COL4A5: variants seen among roughly 807,000 people sequenced by gnomAD.
The protein encoded by COL4A5 is collagen alpha-5(IV) chain.
In COL4A5, 26 loss-of-function variants were observed where a neutral mutation model predicts 130.2. That is an observed-to-expected ratio of 0.20 (90% confidence interval 0.15 to 0.28). The LOEUF (loss-of-function observed/expected upper bound fraction) is 0.28. Among genes scored for constraint, COL4A5 ranks in the 10% least tolerant of loss-of-function variants. The pLI is 1.00. For missense variants in COL4A5, 1,131 were observed against 1,344.3 expected, an observed-to-expected ratio of 0.84 and a Z score of 2.48; for synonymous variants, 496 against 439.6, an observed-to-expected ratio of 1.13 and a Z score of -1.60.
At chrX:108,472,804 A>G (rs761817935) in intron 1 of COL4A5, among the ~76,000 whole-genome samples, 1 of 111,980 alleles carries the variant, frequency 8.9e-6, no homozygotes, top group Admixed American at 9.5e-5. Flanking sequence ...GGATTGCCAG[A>G]TCTTATGGTA....
intron 2 of COL4A5, among the ~76,000 whole-genome samples, chrX:108,558,596 A>G (rs1300130573): frequency 2.7e-5 from 3 of 111,933 alleles, no homozygotes; most frequent in Non-Finnish European, 5.6e-5. Flanking sequence ...ATATGTATTC[A>G]TTTTTAGTAT....
chrX:108,461,578 AT>A lies in COL4A5; in HGVS notation c.81+21373del, dbSNP rs1235513171. Among the ~76,000 whole-genome samples, 55 of 111,185 alleles carry A rather than the reference AT, an allele frequency of 4.9e-4. 1 individual carries two copies. The Admixed American group carries it at 5.3e-3, about 11-fold the overall frequency. On this transcript the variant is annotated intron_variant, in intron 1 of 52. Transcript: ENST00000328300. ...ACTTCTTCATCTGTTGTTTTACTTT[AT>A]GGTACTTAAACATTCTATAAAGTTT...
At position 108,654,545 on chromosome X, in the gene COL4A5, A is replaced by G. The variant is rs993572680; in HGVS notation, c.3247-786A>G. 2.7e-5 allele frequency among the ~76,000 whole-genome samples: 3 copies of G among 112,736 alleles called. No homozygotes were observed. In the Admixed American group the frequency reaches 2.8e-4, roughly 11 times the overall value. ...AATATAGCCTTGACCTCATAGGCTG[A>G]AGCCATCCTCCCACCTCAGCCTCCT... is the stretch of plus-strand genomic sequence containing the variant. On this transcript the variant is annotated intron_variant, in intron 36 of 52. Coordinates refer to ENST00000328300, the MANE Select transcript of COL4A5 (RefSeq NM_033380.3).
chrX:108,568,126 T>C (rs958173599), intron 4 of COL4A5, among the ~76,000 whole-genome samples: 2 of 112,066 alleles, frequency 1.8e-5, no homozygotes, highest in East Asian at 5.6e-4. Context: ...TTTCTCTCCA[T>C]AGAGTTTGAA....
intron 1 of COL4A5, among the ~76,000 whole-genome samples, chrX:108,478,231 G>T (rs1238024729): frequency 1.8e-5 from 2 of 111,672 alleles, no homozygotes; most frequent in African/African-American, 6.5e-5. Context: ...TTGACTTAAA[G>T]GTAGGAGGGG....
Position 108,532,627 on chromosome X carries a change from A to G in COL4A5, c.82-7119A>G, listed in dbSNP as rs753686539. Among the ~76,000 whole-genome samples the G allele has an allele frequency of 9.9e-5, 11 of 111,505 alleles. 1 individual carries two copies. The highest frequency in any genetic ancestry group is 1.9e-4 in the Non-Finnish European group (10 of 52,924). ...AAAAAGGCATCCAAATGGGAAAAGA[A>G]GCAGTCAAATTGCCCCTCTTTACCG... On this transcript the variant is annotated intron_variant, in intron 1 of 52. Transcript: ENST00000328300.
intron 1 of COL4A5, among the ~76,000 whole-genome samples, chrX:108,457,934 T>C (rs2064600074): frequency 8.9e-6 from 1 of 112,250 alleles, no homozygotes; most frequent in South Asian, 3.7e-4. Flanking sequence ...TGTTTTCTTA[T>C]AATTGAGTAG....
intron 1 of COL4A5, among the ~76,000 whole-genome samples, chrX:108,515,016 AG>A (rs1263732023): frequency 4.5e-5 from 5 of 112,084 alleles, no homozygotes; most frequent in Non-Finnish European, 9.4e-5. Flanking sequence ...TGTATAAGAT[AG>A]ATTTATGTAA....
At chrX:108,597,237 G>T (rs1311763867) in intron 23 of COL4A5, 140 bp from the exon 24 acceptor site, 3 of 758,328 alleles carry the variant, frequency 4.0e-6, no homozygotes, top group Non-Finnish European at 5.9e-6. Context: ...ACTTGATTCA[G>T]CCCTTTGTAC....
intron 44 of COL4A5, among the ~76,000 whole-genome samples, chrX:108,678,875 T>C (rs2068364054): frequency 8.9e-6 from 1 of 112,232 alleles, no homozygotes; most frequent in Admixed American, 9.5e-5. Context: ...CATTTAATTG[T>C]CATATCTCTT....
In COL4A5 at chrX:108,665,496, C is replaced by A. The variant is rs104886387; in HGVS notation, c.3374-11C>A. The A allele has an allele frequency of 9.7e-5, 115 of 1,184,484 alleles. No homozygotes were observed. Among genetic ancestry groups the A allele is most frequent in the Non-Finnish European group, 5.7e-6 (5 of 872,840 alleles). On this transcript the variant is annotated splice_polypyrimidine_tract_variant and intron_variant, in intron 37 of 52. Transcript: ENST00000328300. ...TTTTCTTTCATTTTTAAATTGAGCT[C>A]TTTACTCTAGGAACCCCAGGCCCTC...
intron 1 of COL4A5, among the ~76,000 whole-genome samples, chrX:108,506,222 A>G (rs781195412): frequency 2.7e-5 from 3 of 111,279 alleles, no homozygotes; most frequent in Admixed American, 1.9e-4. Context: ...GGCATTCTAC[A>G]TATGTCACTT....
intron 1 of COL4A5, among the ~76,000 whole-genome samples, chrX:108,498,848 C>T (rs896222235): frequency 8.1e-5 from 9 of 110,869 alleles, no homozygotes; most frequent in African/African-American, 2.9e-4. Flanking sequence ...TTTATAATCA[C>T]TTTTATACTG....
chrX:108,661,429 C>A lies in COL4A5; in HGVS notation c.3374-4078C>A, dbSNP rs765635292. Among the ~76,000 whole-genome samples, 23 of 111,530 alleles carry A rather than the reference C, an allele frequency of 2.1e-4. No individual in the cohort carries two copies. In the East Asian group the frequency reaches 6.2e-3, roughly 30 times the overall value. Reference sequence around the variant, plus strand: ...CAAAAATTTTAATTTCCATTTGGTTCTTTTAAGAGTTATCATATTTTTCCA... The same window carrying A: ...CAAAAATTTTAATTTCCATTTGGTTATTTTAAGAGTTATCATATTTTTCCA... On this transcript the variant is annotated intron_variant, in intron 37 of 52. Transcript: ENST00000328300.
chrX:108,577,522 T>G (rs2066173897), intron 10 of COL4A5, among the ~76,000 whole-genome samples: 1 of 110,941 alleles, frequency 9.0e-6, no homozygotes, highest in Admixed American at 9.6e-5. Context: ...CATTCTCAGA[T>G]ACACAAAGTC....
intron 48 of COL4A5, 118 bp from the exon 49 acceptor site, chrX:108,687,364 C>T (rs2068565665): frequency 1.6e-6 from 1 of 624,798 alleles, no homozygotes; most frequent in African/African-American, 2.2e-5. Flanking sequence ...CCTTTATAGA[C>T]ACTCTATAAA....
At chrX:108,447,711 G>A (rs942815850) in intron 1 of COL4A5, among the ~76,000 whole-genome samples, 2 of 111,602 alleles carry the variant, frequency 1.8e-5, no homozygotes, top group Non-Finnish European at 3.8e-5. Flanking sequence ...TCAATTGATT[G>A]CCAGTTGGTT....
chrX:108,452,587 A>T (rs879179221), intron 1 of COL4A5, among the ~76,000 whole-genome samples: 1 of 111,718 alleles, frequency 9.0e-6, no homozygotes. Context: ...CTTTGAAGCA[A>T]TTGTGAATGG....
chrX:108,553,120 C>A (rs945325203), intron 2 of COL4A5, among the ~76,000 whole-genome samples: 3 of 111,262 alleles, frequency 2.7e-5, no homozygotes, highest in Non-Finnish European at 5.7e-5. Context: ...AAAATCTAAA[C>A]CTTAAAGTCT....
Sources: allele counts gnomAD v4.1 joint callset (sites outside exome capture counted in the v4.1 genomes callset), GRCh38; gene constraint gnomAD v4.1.1; transcripts MANE v1.5; gene names NCBI Gene and HGNC (gene_info 2026-07-23, HGNC 2026-07-21).